DYNC2H1: variants seen among roughly 807,000 people sequenced by gnomAD.
DYNC2H1 encodes the protein cytoplasmic dynein 2 heavy chain 1.
Under a neutral mutation model 570.0 loss-of-function variants are expected in DYNC2H1, and 410 were observed. That is an observed-to-expected ratio of 0.72 (90% CI 0.66 to 0.78). The LOEUF (loss-of-function observed/expected upper bound fraction) is 0.78, where lower values mean the gene tolerates loss of function less well. DYNC2H1 is among the 30% of genes least tolerant of loss of function. The probability of loss-of-function intolerance (pLI) is 0.00; values close to 1 mark genes in which losing one functional copy is unlikely to be tolerated. For missense variants in DYNC2H1, 4,865 were observed against 5,046.4 expected (o/e 0.96, Z 1.09); for synonymous variants, 1,688 against 1,677.6 (o/e 1.01, Z -0.15).
chr11:103,389,382 T>C (rs1420552640), intron 83 of DYNC2H1, among the ~76,000 whole-genome samples: 1 of 152,170 alleles, frequency 6.6e-6, no homozygotes, highest in African/African-American at 2.4e-5. Flanking sequence ...TCTATTTGAT[T>C]CTGCTCTCTT....
At chr11:103,358,116 A>G in intron 82 of DYNC2H1, 127 bp from the exon 83 acceptor site, 1 of 556,390 alleles carries the variant, frequency 1.8e-6, no homozygotes. Flanking sequence ...ATAAGATTAT[A>G]AACTGTTGAC....
At position 103,209,996 on chromosome 11, in the gene DYNC2H1, T is replaced by C. The variant is rs1863086911; in HGVS notation, c.8539+36T>C. The C allele has an allele frequency of 7.1e-7, 1 of 1,417,776 alleles. No individual in the cohort carries two copies. The highest frequency in any genetic ancestry group is 3.1e-5 in the Admixed American group (1 of 31,884). 87.8% of individuals were successfully genotyped at this position (1,417,776 alleles called of 1,614,324 possible). A position where few individuals can be genotyped will look rare whatever the true frequency, so the allele number is the denominator to read the frequency against. Reference sequence around the variant, plus strand: ...GATAAAATCAGTTTGATCTGGTTTTTATTTATGAAATAATTGCCGTTTTTA... The same window carrying C: ...GATAAAATCAGTTTGATCTGGTTTTCATTTATGAAATAATTGCCGTTTTTA... On this transcript the variant is annotated intron_variant, in intron 53 of 88. Transcript: ENST00000375735. The surrounding 1 kb of genome is among the most constrained non-coding windows in gnomAD (Gnocchi z 4.2).
intron 84 of DYNC2H1, among the ~76,000 whole-genome samples, chr11:103,410,886 CTAAA>C (rs1347022259): frequency 6.6e-6 from 1 of 152,134 alleles, no homozygotes; most frequent in Admixed American, 6.5e-5. Context: ...TCATTTATTA[CTAAA>C]TATTTATCAC....
intron 70 of DYNC2H1, among the ~76,000 whole-genome samples, chr11:103,271,501 A>G (rs944028372): frequency 2.6e-5 from 4 of 152,226 alleles, no homozygotes; most frequent in Non-Finnish European, 5.9e-5. Context: ...TTTGAAAGCA[A>G]TAAATATAGT....
At chr11:103,464,788 C>T (rs1326895652) in intron 87 of DYNC2H1, among the ~76,000 whole-genome samples, 1 of 151,890 alleles carries the variant, frequency 6.6e-6, no homozygotes, top group Non-Finnish European at 1.5e-5. Flanking sequence ...CACATACAGC[C>T]TCAATGAAAG....
chr11:103,153,680 G>A (rs1190756521), intron 22 of DYNC2H1, among the ~76,000 whole-genome samples, 172 bp downstream of exon 22: 1 of 151,918 alleles, frequency 6.6e-6, no homozygotes, highest in Non-Finnish European at 1.5e-5. Flanking sequence ...TCATAGTTGT[G>A]TTATATAAGG....
At position 103,280,634 on chromosome 11, in the gene DYNC2H1, C is replaced by A. The variant is rs1866093125; in HGVS notation, c.10761+221C>A. On this transcript the variant is annotated intron_variant, in intron 71 of 88. Coordinates refer to ENST00000375735, the MANE Select transcript of DYNC2H1 (RefSeq NM_001377.3). The surrounding 1 kb of genome is among the most constrained non-coding windows in gnomAD (Gnocchi z 4.7). ...ATGGTAAAGCAGGGAAAGAAATCTA[C>A]AAAGCTGCCTACATTTTTCTGAACC... Among the ~76,000 whole-genome samples the A allele has an allele frequency of 6.6e-6, 1 of 152,134 alleles. No individual in the cohort carries two copies. Among genetic ancestry groups the A allele is most frequent in the African/African-American group, 2.4e-5 (1 of 41,464 alleles).
At chr11:103,165,773 T>G in intron 30 of DYNC2H1, 125 bp from the exon 31 acceptor site, 4 of 692,644 alleles carry the variant, frequency 5.8e-6, no homozygotes, top group Admixed American at 3.7e-5. Flanking sequence ...GGTTCCAGTA[T>G]GACATTAAGA....
In DYNC2H1 at chr11:103,303,151, G is replaced by A; in HGVS notation, c.11154G>A (p.Leu3718=). ...TCAAACGTTTATACAAAGAGACACT[G>A]GAAATTGAACCCATCTTGATAATTA... ...LNLKRLYKET[L]EIEPILIIIS... Residue 3718 remains leucine, a synonymous_variant, in exon 76 of 89, where the codon CTG becomes CTA. Coordinates refer to ENST00000375735, the MANE Select transcript of DYNC2H1 (RefSeq NM_001377.3). 1 of 1,611,558 alleles carries A rather than the reference G, an allele frequency of 6.2e-7. No homozygotes were observed. Among genetic ancestry groups the A allele is most frequent in the Non-Finnish European group, 8.5e-7 (1 of 1,178,498 alleles).
intron 19 of DYNC2H1, among the ~76,000 whole-genome samples, chr11:103,148,088 T>C (rs754401731): frequency 1.3e-5 from 2 of 152,166 alleles, no homozygotes; most frequent in Non-Finnish European, 2.9e-5. Context: ...TAGTATTAGA[T>C]TGTTGCATAT....
intron 5 of DYNC2H1, 41 bp from the exon 6 acceptor site, chr11:103,117,590 A>G (rs768163364): frequency 2.1e-6 from 3 of 1,399,812 alleles, no homozygotes; most frequent in South Asian, 1.7e-5. Flanking sequence ...CTATAAAAAT[A>G]CATTTATTTC....
intron 80 of DYNC2H1, among the ~76,000 whole-genome samples, chr11:103,317,367 T>A: frequency 7.5e-6 from 1 of 132,532 alleles, no homozygotes; most frequent in East Asian, 2.1e-4. Flanking sequence ...CACCTTGGAT[T>A]CTTTTTTTTT....
chr11:103,122,569 CT>C (rs1443694895), intron 10 of DYNC2H1, among the ~76,000 whole-genome samples: 10 of 152,306 alleles, frequency 6.6e-5, no homozygotes, highest in African/African-American at 2.2e-4. Context: ...CTGACTTTCC[CT>C]TTACCCTCCA....
Position 103,186,523 on chromosome 11 carries a change from G to T in DYNC2H1, c.6893+22G>T, listed in dbSNP as rs569383785. 1.9e-6 allele frequency: 3 copies of T among 1,600,850 alleles called. No homozygotes were observed. Among genetic ancestry groups the T allele is most frequent in the East Asian group, 4.5e-5 (2 of 44,682 alleles). On this transcript the variant is annotated intron_variant, in intron 42 of 88. Coordinates refer to ENST00000375735, the MANE Select transcript of DYNC2H1 (RefSeq NM_001377.3). This position sits in a 1 kb window ranked among gnomAD's most constrained non-coding sequence, Gnocchi z 4.5. ...AAGGGTAAGAAAAATATTGGCAAAG[G>T]TATATGTTGTGGATTTATTCCTGCC...
rs755442994 is a variant in DYNC2H1, at chr11:103,186,416, C to T, written c.6808C>T (p.Arg2270Ter). The change falls in exon 42 of 89, where the codon CGA becomes TGA. Residue 2270 changes from arginine (R) to a stop codon, truncating the protein, a stop_gained. Transcript: ENST00000375735. LOFTEE classifies it high-confidence loss of function. This position sits in a 1 kb window ranked among gnomAD's most constrained non-coding sequence, Gnocchi z 4.5. The stretch of plus-strand genomic sequence containing the variant: ...AGTCATTCAGACTCCTGACATGCAA[C>T]GAGGTCTAGATTATTTCAAACCATG... ...LPVIQTPDMQ[R>*]GLDYFKPWLS... The T allele has an allele frequency of 3.7e-6, 6 of 1,612,626 alleles. No individual in the cohort carries two copies. The highest frequency in any genetic ancestry group is 1.7e-5 in the Admixed American group (1 of 59,844).
At position 103,143,251 on chromosome 11, in the gene DYNC2H1, T is replaced by C; in HGVS notation, c.2575-17T>C. 3 of 1,610,098 alleles carry C rather than the reference T, an allele frequency of 1.9e-6. No individual in the cohort carries two copies. Among genetic ancestry groups the C allele is most frequent in the Non-Finnish European group, 1.7e-6 (2 of 1,178,136 alleles). On this transcript the variant is annotated splice_polypyrimidine_tract_variant and intron_variant, in intron 17 of 88. Transcript: ENST00000375735. Reference sequence around the variant, plus strand: ...GTTCTGTGTCTTTAATAATACATTTTTTCTTTCTTTAAATAGGAATGGATT... The same window carrying C: ...GTTCTGTGTCTTTAATAATACATTTCTTCTTTCTTTAAATAGGAATGGATT...
At chr11:103,224,971 T>C (rs1863747235) in intron 59 of DYNC2H1, among the ~76,000 whole-genome samples, 1 of 152,186 alleles carries the variant, frequency 6.6e-6, no homozygotes, top group African/African-American at 2.4e-5. Flanking sequence ...TACTGGATTG[T>C]GGTTTTGATT....
intron 87 of DYNC2H1, among the ~76,000 whole-genome samples, chr11:103,460,199 C>T (rs934520933): frequency 5.3e-5 from 8 of 151,944 alleles, no homozygotes; most frequent in Admixed American, 5.2e-4. Flanking sequence ...ATGAGAAGTA[C>T]CTTGGCTATT....
chr11:103,373,075 C>G (rs1033380259), intron 83 of DYNC2H1, among the ~76,000 whole-genome samples: 3 of 152,160 alleles, frequency 2.0e-5, no homozygotes, highest in African/African-American at 7.2e-5. Context: ...CCCCAAGTAG[C>G]TGGGACTACA....
Sources: gnomAD v4.1 joint callset for allele counts (sites outside exome capture counted in the v4.1 genomes callset) on GRCh38, gnomAD v4.1.1 for gene constraint, Gnocchi (gnomAD v3.1) non-coding constraint, MANE v1.5 for transcripts, NCBI Gene and HGNC (gene_info 2026-07-23, HGNC 2026-07-21) for gene names.